Variants in DAB1 observed in about 807,000 individuals in gnomAD.
The protein encoded by DAB1 is disabled homolog 1.
A neutral mutation model predicts 64.6 loss-of-function variants in DAB1; 15 were observed. The ratio of observed to expected loss-of-function variants is 0.23; its 90% CI spans 0.16 to 0.36. The LOEUF is 0.36. Ranked by LOEUF, DAB1 falls within the 10% of genes least tolerant of loss-of-function variation. The probability of loss-of-function intolerance (pLI) is 1.00; values close to 1 mark genes in which losing one functional copy is unlikely to be tolerated. For synonymous variants in DAB1, 235 were observed against 251.9 expected, an observed-to-expected ratio of 0.93 and a Z score of 0.64; for missense variants, 596 against 706.7, an observed-to-expected ratio of 0.84 and a Z score of 1.78.
intron 9 of DAB1, among the ~76,000 whole-genome samples, chr1:57,033,171 T>TACACACACAC (rs141683665): frequency 4.7e-5 from 7 of 149,360 alleles, no homozygotes; most frequent in Admixed American, 2.0e-4. Flanking sequence ...CACTTTTGTT[T>TACACACACAC]ACACACACAC....
chr1:57,818,087 T>C (rs1178916197), intron 6 of DAB1, among the ~76,000 whole-genome samples: 27 of 152,206 alleles, frequency 1.8e-4, no homozygotes, highest in Admixed American at 1.8e-3. Context: ...GCACCATATG[T>C]AATTTTCTGC....
intron 3 of DAB1, chr1:58,462,542 G>A (rs971126948): frequency 2.0e-4 from 30 of 152,178 alleles, no homozygotes; most frequent in African/African-American, 7.2e-4. Context: ...GCACAATACA[G>A]GTGATTTTTT....
intron 1 of DAB1, among the ~76,000 whole-genome samples, chr1:57,332,385 A>G (rs1308445487): frequency 1.3e-5 from 2 of 152,208 alleles, no homozygotes; most frequent in Non-Finnish European, 2.9e-5. Flanking sequence ...TCAGTCTCTC[A>G]ACTGTCAAAA....
At chr1:58,095,925 T>C (rs1044201111) in intron 5 of DAB1, among the ~76,000 whole-genome samples, 3 of 152,216 alleles carry the variant, frequency 2.0e-5, no homozygotes, top group Admixed American at 6.5e-5. Context: ...GTTTACCATG[T>C]ATGTGTTGAC....
chr1:57,027,095 C>T lies in DAB1; in HGVS notation c.724-1052G>A, dbSNP rs192718407. Among the ~76,000 whole-genome samples, 58 of 152,240 alleles carry T rather than the reference C, an allele frequency of 3.8e-4. 1 individual carries two copies. The highest frequency in any genetic ancestry group is 1.2e-3 in the African/African-American group (49 of 41,544). On this transcript the variant is annotated intron_variant, in intron 9 of 14. Coordinates refer to ENST00000371236, the MANE Select transcript of DAB1 (RefSeq NM_001365792.1). ...CCACACAGGACTCCTGCACTCAAAC[C>T]GCTCTAACCAGGTCATGGCTGGATC...
chr1:58,536,878 C>T, intron 1 of DAB1: 3 of 567,264 alleles, frequency 5.3e-6, no homozygotes, highest in Non-Finnish European at 9.4e-6. Context: ...CATCGCTTTT[C>T]CAATTAATAA....
upstream of DAB1, among the ~76,000 whole-genome samples, chr1:57,426,882 G>T (rs961863081): frequency 1.7e-5 from 2 of 118,848 alleles, no homozygotes; most frequent in African/African-American, 6.7e-5. Context: ...ATATTTTTTT[G>T]AGACAGCGTC....
chr1:57,208,822 C>T (rs897343135), intron 2 of DAB1, among the ~76,000 whole-genome samples: 16 of 152,166 alleles, frequency 1.1e-4, no homozygotes, highest in African/African-American at 3.9e-4. Context: ...CATGGCAAGA[C>T]TGAGATTCAA....
intron 9 of DAB1, among the ~76,000 whole-genome samples, chr1:57,052,642 G>A (rs888067746): frequency 4.6e-5 from 7 of 152,306 alleles, no homozygotes; most frequent in Non-Finnish European, 7.3e-5. Context: ...TGGTAGCTGA[G>A]ATACTGGGAG....
intron 5 of DAB1, among the ~76,000 whole-genome samples, chr1:57,914,740 A>G (rs751140247): frequency 4.6e-5 from 7 of 152,220 alleles, no homozygotes; most frequent in Non-Finnish European, 1.0e-4. Flanking sequence ...TATCTTGTAT[A>G]ACAGAAATGG....
chr1:58,518,922 G>A (rs569011297), intron 2 of DAB1, among the ~76,000 whole-genome samples: 6 of 152,262 alleles, frequency 3.9e-5, no homozygotes, highest in African/African-American at 1.4e-4. Context: ...GAGAAAAGTT[G>A]AGGCACAAAA....
At chr1:57,984,771 C>A (rs1215810526) in intron 5 of DAB1, among the ~76,000 whole-genome samples, 2 of 152,194 alleles carry the variant, frequency 1.3e-5, no homozygotes, top group South Asian at 4.1e-4. Context: ...TCTCTCTCCT[C>A]TTCTGTTTCT....
chr1:57,655,725 A>G (rs540827045), intron 6 of DAB1, among the ~76,000 whole-genome samples: 41 of 152,338 alleles, frequency 2.7e-4, no homozygotes, highest in Admixed American at 7.8e-4. Flanking sequence ...CTGAAATAAT[A>G]CACAAACTAC....
intron 7 of DAB1, among the ~76,000 whole-genome samples, chr1:57,553,392 A>G (rs1644939130): frequency 1.1e-4 from 1 of 9,294 alleles, no homozygotes; most frequent in Admixed American, 1.3e-3. Flanking sequence ...AAGAGAAAGA[A>G]AGAAAGAAAG....
chr1:58,368,030 AT>A (rs1353909179), intron 3 of DAB1, among the ~76,000 whole-genome samples: 1 of 152,204 alleles, frequency 6.6e-6, no homozygotes, highest in Non-Finnish European at 1.5e-5. Context: ...GAACAAAAGG[AT>A]AGAAGGAATG....
intron 6 of DAB1, among the ~76,000 whole-genome samples, chr1:57,819,922 G>A (rs886700059): frequency 3.9e-5 from 6 of 152,148 alleles, no homozygotes; most frequent in East Asian, 1.9e-4. Flanking sequence ...TCTGCAACTA[G>A]TGCTATTTAG....
At chr1:57,153,913 A>G (rs995043559) in intron 2 of DAB1, among the ~76,000 whole-genome samples, 16 of 152,190 alleles carry the variant, frequency 1.1e-4, no homozygotes, top group African/African-American at 3.9e-4. Flanking sequence ...TGTTGGGATT[A>G]CAGGCATGAG....
At chr1:57,827,228 A>G (rs886538597) in intron 1 of DAB1, among the ~76,000 whole-genome samples, 6 of 152,288 alleles carry the variant, frequency 3.9e-5, no homozygotes, top group Middle Eastern at 3.4e-3. Context: ...CCTATAGGAC[A>G]TCAAACACAT....
chr1:57,315,177 A>G (rs900978603), intron 1 of DAB1, among the ~76,000 whole-genome samples: 7 of 152,104 alleles, frequency 4.6e-5, no homozygotes, highest in African/African-American at 1.7e-4. Flanking sequence ...AATGTCACCT[A>G]TTTAAAGTGG....
Sources: allele counts gnomAD v4.1 joint callset (sites outside exome capture counted in the v4.1 genomes callset), GRCh38; gene constraint gnomAD v4.1.1; transcripts MANE v1.5; gene names NCBI Gene and HGNC (gene_info 2026-07-23, HGNC 2026-07-21).